ATP6V1C1: variants seen among roughly 807,000 people sequenced by gnomAD.
ATP6V1C1 encodes ATPase H+ transporting V1 subunit C1, also known as V-type proton ATPase subunit C 1.
ATP6V1C1 carries 45 observed loss-of-function variants against 53.9 expected under a neutral mutation model. The observed-to-expected ratio is 0.83, with a 90% CI of 0.66 to 1.07. The LOEUF (loss-of-function observed/expected upper bound fraction) is 1.07, where lower values mean the gene tolerates loss of function less well. Ranked by LOEUF, ATP6V1C1 falls within the 50% of genes least tolerant of loss-of-function variation. The pLI is 0.00. For synonymous variants in ATP6V1C1, 153 were observed against 155.2 expected, an observed-to-expected ratio of 0.99 and a Z score of 0.11; for missense variants, 315 against 440.3, an observed-to-expected ratio of 0.72 and a Z score of 2.55.
Position 103,052,733 on chromosome 8 carries a change from A to T in ATP6V1C1, c.384A>T (p.Gly128=), listed in dbSNP as rs189712373. Residue 128 remains glycine, a splice_region_variant and synonymous_variant, in exon 6 of 13, where the codon GGA becomes GGT. Transcript: ENST00000518738. ...LKNISEIIAK[G]VTQIDNDLKS... ...TTTCTTCTTTTTCTTTTTCAAAGGG[A>T]GTAACTCAGATTGATAATGACCTGA... 2.5e-6 allele frequency: 4 copies of T among 1,581,392 alleles called. No individual in the cohort carries two copies. The highest frequency in any genetic ancestry group is 3.6e-5 in the Admixed American group (2 of 55,800).
At chr8:103,030,089 A>G (rs952517870) in intron 1 of ATP6V1C1, among the ~76,000 whole-genome samples, 2 of 151,904 alleles carry the variant, frequency 1.3e-5, no homozygotes, top group Non-Finnish European at 2.9e-5. Context: ...CACGCCATAC[A>G]TTTGCAAATT....
At position 103,068,708 on chromosome 8, in the gene ATP6V1C1, G is replaced by A; in HGVS notation, c.1110G>A (p.Val370=). 6.2e-7 allele frequency: 1 copy of A among 1,610,808 alleles called. No homozygotes were observed. The highest frequency in any genetic ancestry group is 1.1e-5 in the South Asian group (1 of 90,454). The change falls in exon 13 of 13, where the codon GTG becomes GTA. Residue 370 remains valine (V), a synonymous_variant. Coordinates refer to ENST00000518738, the MANE Select transcript of ATP6V1C1 (RefSeq NM_001695.5). ...GTCAACAAGAATACTACCCCTATGT[G>A]TACTACAAGATTGATTGCAACTTGC... The part of the protein sequence containing the change: ...NLSQQEYYPY[V]YYKIDCNLLE...
intron 1 of ATP6V1C1, among the ~76,000 whole-genome samples, chr8:103,023,292 T>G (rs1371480708): frequency 6.6e-6 from 1 of 150,628 alleles, no homozygotes; most frequent in Admixed American, 6.6e-5. Flanking sequence ...TTTTTTTTTT[T>G]TTTTTGGTGG....
chr8:103,052,946 CT>C (rs1817225940), intron 6 of ATP6V1C1, 124 bp downstream of exon 6: 1 of 544,900 alleles, frequency 1.8e-6, no homozygotes, highest in African/African-American at 2.0e-5. Context: ...AATGGTATTT[CT>C]TTTACTTCAT....
chr8:103,042,073 C>T (rs1179928282), intron 2 of ATP6V1C1, among the ~76,000 whole-genome samples: 5 of 152,090 alleles, frequency 3.3e-5, no homozygotes, highest in Non-Finnish European at 7.4e-5. Flanking sequence ...TTCAAATGAT[C>T]CAGTGTCATT....
At chr8:103,021,906 T>C (rs1293975172) in intron 1 of ATP6V1C1, among the ~76,000 whole-genome samples, 2 of 152,192 alleles carry the variant, frequency 1.3e-5, no homozygotes, top group Non-Finnish European at 2.9e-5. Context: ...GGGAAGCTAG[T>C]ATTCTTTTCA....
chr8:103,058,725 C>G (rs181066933), intron 8 of ATP6V1C1, among the ~76,000 whole-genome samples: 46 of 152,290 alleles, frequency 3.0e-4, no homozygotes, highest in African/African-American at 1.0e-3. Context: ...ATTTTTCAAT[C>G]TATTCTTCTA....
chr8:103,032,163 GATC>G (rs1292268301), intron 1 of ATP6V1C1, among the ~76,000 whole-genome samples: 1 of 152,068 alleles, frequency 6.6e-6, no homozygotes, highest in Admixed American at 6.5e-5. Context: ...ATTGTGTCAA[GATC>G]ATATAAAAAT....
chr8:103,050,531 TTGAG>T (rs1270837401), intron 4 of ATP6V1C1, among the ~76,000 whole-genome samples: 2 of 152,236 alleles, frequency 1.3e-5, no homozygotes, highest in African/African-American at 4.8e-5. Context: ...GAATAAGTTG[TTGAG>T]TATTTTTTTA....
intron 1 of ATP6V1C1, among the ~76,000 whole-genome samples, chr8:103,029,229 T>C (rs1186529930): frequency 1.3e-5 from 2 of 151,914 alleles, no homozygotes; most frequent in African/African-American, 4.8e-5. Context: ...GTTCCAGAAA[T>C]TGTCTATCTT....
chr8:103,044,648 A>G (rs1288262911), intron 3 of ATP6V1C1, among the ~76,000 whole-genome samples: 2 of 151,594 alleles, frequency 1.3e-5, no homozygotes, highest in East Asian at 1.9e-4. Flanking sequence ...AGTAAGTTTT[A>G]AAATCAGAAA....
At chr8:103,037,516 T>C (rs1045099830) in intron 1 of ATP6V1C1, among the ~76,000 whole-genome samples, 6 of 152,226 alleles carry the variant, frequency 3.9e-5, no homozygotes, top group East Asian at 1.9e-4. Context: ...TAAGAAGATA[T>C]AAACAAACTA....
intron 4 of ATP6V1C1, among the ~76,000 whole-genome samples, chr8:103,049,864 G>C (rs930632125): frequency 5.3e-5 from 8 of 152,112 alleles, no homozygotes; most frequent in South Asian, 2.1e-4. Context: ...GGCTGAGGAG[G>C]GGGGATTGCT....
chr8:103,056,548 A>T (rs2454045), intron 8 of ATP6V1C1, among the ~76,000 whole-genome samples: 69,363 of 152,072 alleles, frequency 0.46, 16,095 homozygotes, highest in Admixed American at 0.53. Context: ...CTTATTCTCA[A>T]GGAAGAAGAA....
rs1817600784 is a variant in ATP6V1C1 at position 103,072,371 on chromosome 8, C to T, written c.*3624C>T. 1 of 152,086 alleles carries T rather than the reference C, an allele frequency of 6.6e-6. No individual in the cohort carries two copies. Among genetic ancestry groups the T allele is most frequent in the South Asian group, 2.1e-4 (1 of 4,826 alleles). The allele number at this position is 152,086 out of a possible 1,614,324, so 9.4% of individuals were successfully genotyped here. A position where few individuals can be genotyped will look rare whatever the true frequency, so the allele number is the denominator to read the frequency against. On this transcript the variant is annotated 3_prime_UTR_variant, in exon 13 of 13. Coordinates refer to ENST00000518738, the MANE Select transcript of ATP6V1C1 (RefSeq NM_001695.5). ...CGAAGAAATCAAAGTAGCATATGCA[C>T]AAGGTTAAAAACCACATATACAAAT... is the stretch of plus-strand genomic sequence containing the variant.
rs535251477 is a variant in ATP6V1C1 at position 103,066,553 on chromosome 8, AT to A, written c.1053+112del. The stretch of plus-strand genomic sequence containing the variant: ...GGGAGGGTAAGTATGAAACTTAATC[AT>A]TTTTTATTACTTTGAGGTTCTCAAT... On this transcript the variant is annotated intron_variant, in intron 12 of 12. Transcript: ENST00000518738. The A allele has an allele frequency of 6.7e-3, 8,381 of 1,248,468 alleles. 77 individuals are homozygous for A. The highest frequency in any genetic ancestry group is 0.012 in the Middle Eastern group (46 of 3,688). 77.3% of individuals were successfully genotyped at this position (1,248,468 alleles called of 1,614,324 possible).
At position 103,068,976 on chromosome 8, in the gene ATP6V1C1, A is replaced by C. The variant is rs543696789; in HGVS notation, c.*229A>C. The stretch of plus-strand genomic sequence containing the variant: ...CAGGTCTGTAAATGTGTACTAAAAA[A>C]ATCAGAGTTTATTTATAAACAAAAT... On this transcript the variant is annotated 3_prime_UTR_variant, in exon 13 of 13. Transcript: ENST00000518738. 13 of 282,604 alleles carry C rather than the reference A, an allele frequency of 4.6e-5. No individual in the cohort carries two copies. The highest frequency in any genetic ancestry group is 7.7e-5 in the Non-Finnish European group (12 of 155,374). 17.5% of individuals were successfully genotyped at this position (282,604 alleles called of 1,614,324 possible).
In ATP6V1C1 at chr8:103,066,403, G is replaced by A. The variant is rs1425632106; in HGVS notation, c.1009G>A (p.Glu337Lys). 1 of 1,613,178 alleles carries A rather than the reference G, an allele frequency of 6.2e-7. No individual in the cohort carries two copies. The highest frequency in any genetic ancestry group is 1.7e-5 in the Admixed American group (1 of 59,734). ...GAAGAAACTGAGAGAAGTATTACATGAATTGTATAAACATCTAGACAGCAG... is the reference window on the plus strand; with the variant it reads ...GAAGAAACTGAGAGAAGTATTACATAAATTGTATAAACATCTAGACAGCAG... Reference protein sequence around the residue: ...TLKKLREVLHELYKHLDSSAA... With the variant: ...TLKKLREVLHKLYKHLDSSAA... The change falls in exon 12 of 13, where the codon GAA (glutamate) becomes AAA (lysine). Residue 337 changes from glutamate to lysine, a missense_variant. Physicochemically the swap from Glu to Lys is moderately conservative, Grantham distance 56 (BLOSUM62 1). Coordinates refer to ENST00000518738, the MANE Select transcript of ATP6V1C1 (RefSeq NM_001695.5).
rs1351392940 is a variant in ATP6V1C1 at position 103,063,194 on chromosome 8, T to C, written c.794T>C (p.Met265Thr). 6.2e-7 allele frequency: 1 copy of C among 1,611,636 alleles called. No individual in the cohort carries two copies. Residue 265 changes from methionine (M) to threonine (T), a missense_variant, in exon 10 of 13, where the codon ATG becomes ACG. Met to Thr is a moderately conservative substitution (Grantham distance 81). Coordinates refer to ENST00000518738, the MANE Select transcript of ATP6V1C1 (RefSeq NM_001695.5). ...GAGATGAAAGCAGATAAAGAAGAAATGAACAGGCTTTCTACTGATAAGAAA... is the reference window on the plus strand; with the variant it reads ...GAGATGAAAGCAGATAAAGAAGAAACGAACAGGCTTTCTACTGATAAGAAA... ...EEEMKADKEE[M>T]NRLSTDKKKQ...
Sources: gnomAD v4.1 joint callset for allele counts (sites outside exome capture counted in the v4.1 genomes callset) on GRCh38, gnomAD v4.1.1 for gene constraint, MANE v1.5 for transcripts, NCBI Gene and HGNC (gene_info 2026-07-23, HGNC 2026-07-21) for gene names.